The following DPP6 variants were observed in gnomAD, a reference collection of about 807,000 sequenced individuals.
DPP6 encodes the protein A-type potassium channel modulatory protein DPP6.
DPP6 carries 69 observed loss-of-function variants against 122.6 expected under a neutral mutation model. That is an observed-to-expected ratio of 0.56 (90% CI 0.46 to 0.69). DPP6 has a LOEUF of 0.69. Among genes scored for constraint, DPP6 ranks in the 30% least tolerant of loss-of-function variants. DPP6 has a pLI of 0.00. For synonymous variants in DPP6, 418 were observed against 433.1 expected, an observed-to-expected ratio of 0.97 and a Z score of 0.43; for missense variants, 928 against 1,116.9, an observed-to-expected ratio of 0.83 and a Z score of 2.41.
intron 17 of DPP6, among the ~76,000 whole-genome samples, chr7:154,862,667 T>C (rs1484710632): frequency 6.6e-6 from 1 of 152,172 alleles, no homozygotes; most frequent in Non-Finnish European, 1.5e-5. Context: ...TGCCAGCCAC[T>C]GCACCCGCTC....
chr7:154,467,596 A>G (rs771630152), intron 2 of DPP6, among the ~76,000 whole-genome samples: 1 of 152,164 alleles, frequency 6.6e-6, no homozygotes, highest in Non-Finnish European at 1.5e-5. Flanking sequence ...ACCTCGTTTC[A>G]TTATAAATTA....
chr7:153,970,049 T>C (rs1173495801), intron 1 of DPP6, among the ~76,000 whole-genome samples: 2 of 152,254 alleles, frequency 1.3e-5, no homozygotes, highest in Non-Finnish European at 2.9e-5. Context: ...AATTTCGTTA[T>C]ATGGACATAA....
intron 7 of DPP6, among the ~76,000 whole-genome samples, chr7:154,703,973 A>G (rs1021665052): frequency 6.6e-6 from 1 of 152,172 alleles, no homozygotes; most frequent in Non-Finnish European, 1.5e-5. Context: ...TCATAAAGCT[A>G]TAGCTGCCAT....
intron 1 of DPP6, among the ~76,000 whole-genome samples, chr7:154,032,761 AAAG>A (rs1799308766): frequency 6.6e-6 from 1 of 151,872 alleles, no homozygotes; most frequent in Non-Finnish European, 1.5e-5. Flanking sequence ...ATTTTTGTCT[AAAG>A]AGACAAAAAA....
chr7:154,061,811 A>T (rs1474196953), intron 1 of DPP6, among the ~76,000 whole-genome samples: 4 of 133,706 alleles, frequency 3.0e-5, no homozygotes, highest in Admixed American at 2.9e-4. Flanking sequence ...GGGGACTGAG[A>T]GCGAGCCCCT....
chr7:153,847,567 T>C, the DPP6 span, among the ~76,000 whole-genome samples: 3 of 152,230 alleles, frequency 2.0e-5, no homozygotes, highest in Non-Finnish European at 4.4e-5. Flanking sequence ...AGTTAACAGT[T>C]ACATTCAGGG....
rs914137656 is a variant in DPP6 at position 154,602,512 on chromosome 7, G to A, written c.628-35309G>A. ...GTCTCACTGCAACCTCTGCCTCCCAGGTTCAGGTGAGTCTCCCGCCTCAGC... is the reference window on the plus strand; with the variant it reads ...GTCTCACTGCAACCTCTGCCTCCCAAGTTCAGGTGAGTCTCCCGCCTCAGC... On this transcript the variant is annotated intron_variant, in intron 5 of 25. Transcript: ENST00000377770. Among the ~76,000 whole-genome samples the A allele has an allele frequency of 6.9e-5, 8 of 116,226 alleles. 2 individuals carry two copies. The highest frequency in any genetic ancestry group is 2.2e-4 in the African/African-American group (8 of 36,516). 76.2% of individuals were successfully genotyped at this position (116,226 alleles called of 152,430 possible).
At chr7:154,438,692 T>A (rs1372597458) in intron 1 of DPP6, among the ~76,000 whole-genome samples, 1 of 152,102 alleles carries the variant, frequency 6.6e-6, no homozygotes, top group Non-Finnish European at 1.5e-5. Context: ...TGAACCTCTC[T>A]ACTTCATTCC....
chr7:153,928,132 CT>C lies in DPP6; in HGVS notation c.51+40399del, dbSNP rs541632038. ...GCTTAAAAACAGCAGAAATTTATTT[CT>C]CACAGTTCTGGAAGCTGGAAGTCCA... On this transcript the variant is annotated intron_variant, in intron 1 of 25. Transcript: ENST00000404039. Among the ~76,000 whole-genome samples, 34 of 152,064 alleles carry C rather than the reference CT, an allele frequency of 2.2e-4. 1 individual carries two copies. The East Asian group carries it at 6.0e-3, about 27-fold the overall frequency.
intron 1 of DPP6, among the ~76,000 whole-genome samples, chr7:154,175,761 C>T (rs1797769479): frequency 6.7e-6 from 1 of 148,424 alleles, no homozygotes; most frequent in South Asian, 2.2e-4. Flanking sequence ...GGTCTGTCGC[C>T]CAGGCTGGAG....
chr7:154,148,019 C>T (rs1022563194), intron 1 of DPP6, among the ~76,000 whole-genome samples: 95 of 150,656 alleles, frequency 6.3e-4, no homozygotes, highest in Non-Finnish European at 4.9e-4. Context: ...AGGTGGATCA[C>T]GTCCGAGACC....
At chr7:154,191,405 A>C (rs886167455) in intron 1 of DPP6, among the ~76,000 whole-genome samples, 2 of 152,352 alleles carry the variant, frequency 1.3e-5, no homozygotes, top group Admixed American at 6.5e-5. Context: ...AAATAGTGAT[A>C]AGATTACTTA....
At chr7:153,857,457 A>C in the DPP6 span, among the ~76,000 whole-genome samples, 1 of 151,934 alleles carries the variant, frequency 6.6e-6, no homozygotes, top group African/African-American at 2.4e-5. Context: ...GAAAGAAGCT[A>C]TTTCTACCAC....
chr7:154,543,065 G>A (rs1463534793), intron 4 of DPP6, among the ~76,000 whole-genome samples: 1 of 152,176 alleles, frequency 6.6e-6, no homozygotes, highest in Admixed American at 6.5e-5. Flanking sequence ...CCCACAGCCT[G>A]GAGGAATTGG....
the DPP6 span, among the ~76,000 whole-genome samples, chr7:153,794,062 A>T: frequency 6.6e-6 from 1 of 152,232 alleles, no homozygotes; most frequent in Non-Finnish European, 1.5e-5. Flanking sequence ...AACCTCTGCT[A>T]GGGCAGTGCA....
At chr7:154,216,299 G>A (rs1282846287) in intron 1 of DPP6, among the ~76,000 whole-genome samples, 4 of 152,214 alleles carry the variant, frequency 2.6e-5, no homozygotes, top group Non-Finnish European at 5.9e-5. Flanking sequence ...TTTTGGCAAT[G>A]ACAGATCTTA....
chr7:154,061,234 A>G (rs1248714862), intron 1 of DPP6, among the ~76,000 whole-genome samples: 1 of 149,254 alleles, frequency 6.7e-6, no homozygotes, highest in Non-Finnish European at 1.5e-5. Flanking sequence ...GGGGGCGGGG[A>G]CCCGGAACTT....
intron 7 of DPP6, among the ~76,000 whole-genome samples, chr7:154,705,322 C>G (rs897565050): frequency 6.6e-6 from 1 of 152,336 alleles, no homozygotes. Flanking sequence ...TGGGGCATGT[C>G]TCTGCCTCCA....
chr7:154,209,091 G>A (rs888416379), intron 1 of DPP6, among the ~76,000 whole-genome samples: 3 of 152,162 alleles, frequency 2.0e-5, no homozygotes, highest in Non-Finnish European at 4.4e-5. Context: ...GTTGTATTTT[G>A]TTTCAATGAG....
Sources: allele counts gnomAD v4.1 joint callset (sites outside exome capture counted in the v4.1 genomes callset), GRCh38; gene constraint gnomAD v4.1.1; transcripts MANE v1.5; gene names NCBI Gene and HGNC (gene_info 2026-07-23, HGNC 2026-07-21).